Variants in TRMT1 observed in about 807,000 individuals in gnomAD.
The protein encoded by TRMT1 is tRNA methyltransferase 1.
TRMT1 carries 63 observed loss-of-function variants against 75.4 expected under a neutral mutation model. The observed-to-expected ratio is 0.84, with a 90% CI of 0.68 to 1.03. The LOEUF (loss-of-function observed/expected upper bound fraction) is 1.03, where lower values mean the gene tolerates loss of function less well. Ranked by LOEUF, TRMT1 falls within the 50% of genes least tolerant of loss-of-function variation. The probability of loss-of-function intolerance (pLI) is 0.00; values close to 1 mark genes in which losing one functional copy is unlikely to be tolerated. For synonymous variants in TRMT1, 382 were observed against 358.1 expected, an observed-to-expected ratio of 1.07 and a Z score of -0.75; for missense variants, 870 against 905.3, an observed-to-expected ratio of 0.96 and a Z score of 0.50.
At position 13,112,801 on chromosome 19, in the gene TRMT1, G is replaced by A. The variant is rs1374083642; in HGVS notation, c.774C>T (p.Thr258=). 1 of 1,614,140 alleles carries A rather than the reference G, an allele frequency of 6.2e-7. No homozygotes were observed. The highest frequency in any genetic ancestry group is 8.5e-7 in the Non-Finnish European group (1 of 1,180,004). ...CCGCCAACACCGCCATGTCTGTGCA[G>A]GTCACACACAGCAACCCTGCAGAGA... ...AVSEGGLLCV[T]CTDMAVLAGN... Residue 258 remains threonine (T), a synonymous_variant, in exon 7 of 17, where the codon ACC becomes ACT. Coordinates refer to ENST00000357720, the MANE Select transcript of TRMT1 (RefSeq NM_001136035.4).
intron 13 of TRMT1, 37 bp from the exon 14 acceptor site, chr19:13,107,687 C>G: frequency 6.3e-7 from 1 of 1,581,692 alleles, no homozygotes. Context: ...AATACTAGGC[C>G]CAAGGGACCT....
chr19:13,109,400 G>A lies in TRMT1; in HGVS notation c.1378C>T (p.Pro460Ser). The A allele has an allele frequency of 6.2e-7, 1 of 1,613,006 alleles. No homozygotes were observed. Among genetic ancestry groups the A allele is most frequent in the Non-Finnish European group, 8.5e-7 (1 of 1,180,008 alleles). ...TCTTACCGCAACTGCAGGAGGCTTG[G>A]TGTGTTGCAGTGGATGGTGCTGCTC... ...QLSSTIHCNTPSLLQLRSALL... is the reference protein window; with the variant it reads ...QLSSTIHCNTSSLLQLRSALL... The change falls in exon 12 of 17, where the codon CCA becomes TCA. Residue 460 changes from proline to serine, a missense_variant. Pro to Ser is a moderately conservative substitution (Grantham distance 74). Coordinates refer to ENST00000357720, the MANE Select transcript of TRMT1 (RefSeq NM_001136035.4).
At chr19:13,113,662 T>A (rs866629537) in intron 5 of TRMT1, among the ~76,000 whole-genome samples, 17 of 151,940 alleles carry the variant, frequency 1.1e-4, no homozygotes, top group Non-Finnish European at 1.8e-4. Flanking sequence ...CAGGCTGGAG[T>A]GCAGTGGTGG....
chr19:13,110,249 C>G lies in TRMT1; in HGVS notation c.928G>C (p.Val310Leu), dbSNP rs569347918. ...GCGCTGATGCTGAGCAGCGGCACCA[C>G]GAAGCGCTGGTAGCAGTTGGCGCGG... is the stretch of plus-strand genomic sequence containing the variant. The part of the protein sequence containing the change: ...DLRANCYQRF[V>L]VPLLSISADF... Residue 310 changes from valine to leucine, a missense_variant, in exon 8 of 17, where the codon GTG (valine) becomes CTG (leucine). Val to Leu is a conservative substitution (Grantham distance 32). Transcript: ENST00000357720. The G allele has an allele frequency of 8.7e-6, 14 of 1,613,144 alleles. No individual in the cohort carries two copies. In the African/African-American group the frequency reaches 1.2e-4, roughly 14 times the overall value.
chr19:13,109,468 T>C lies in TRMT1; in HGVS notation c.1312-2A>G. The C allele has an allele frequency of 6.2e-7, 1 of 1,613,820 alleles. No individual in the cohort carries two copies. The highest frequency in any genetic ancestry group is 8.5e-7 in the Non-Finnish European group (1 of 1,179,948). Reference sequence around the variant, plus strand: ...GTACAGAGGCACGTCCGGGAGCTCCTGCGATGGGGGACAGGATGGGCATGA... The same window carrying C: ...GTACAGAGGCACGTCCGGGAGCTCCCGCGATGGGGGACAGGATGGGCATGA... On this transcript the variant is annotated splice_acceptor_variant, in intron 11 of 16. Coordinates refer to ENST00000357720, the MANE Select transcript of TRMT1 (RefSeq NM_001136035.4). LOFTEE classifies it high-confidence loss of function.
Position 13,116,232 on chromosome 19 carries a change from T to A in TRMT1, c.168A>T (p.Thr56=), listed in dbSNP as rs1311173002. 6.2e-7 allele frequency: 1 copy of A among 1,614,200 alleles called. No individual in the cohort carries two copies. The highest frequency in any genetic ancestry group is 2.2e-5 in the East Asian group (1 of 44,886). Residue 56 remains threonine, a synonymous_variant, in exon 2 of 17, where the codon ACA becomes ACT. Coordinates refer to ENST00000357720, the MANE Select transcript of TRMT1 (RefSeq NM_001136035.4). ...EERPREVQET[T]VTEGAAKIAF... ...CGATTTTGGCAGCCCCCTCGGTGAC[T>A]GTCGTCTCCTGGACTTCACGTGGAC... is the stretch of plus-strand genomic sequence containing the variant.
chr19:13,106,016 C>T (rs916806784), intron 14 of TRMT1, among the ~76,000 whole-genome samples: 14 of 151,716 alleles, frequency 9.2e-5, no homozygotes, highest in African/African-American at 2.7e-4. Context: ...GAGCTGAAAT[C>T]GCACCACTGC....
chr19:13,110,152 G>C lies in TRMT1; in HGVS notation c.1019+6C>G, dbSNP rs1187684451. ...ATCCACCACCGCTCTCTGCCCCCGG[G>C]CTGACCTGGCTGAGGCCTTGACCTT... On this transcript the variant is annotated splice_donor_region_variant and intron_variant, in intron 8 of 16. Coordinates refer to ENST00000357720, the MANE Select transcript of TRMT1 (RefSeq NM_001136035.4). The C allele has an allele frequency of 6.2e-7, 1 of 1,612,018 alleles. No homozygotes were observed. Among genetic ancestry groups the C allele is most frequent in the South Asian group, 1.1e-5 (1 of 90,978 alleles).
At chr19:13,108,196 G>A (rs559033110) in intron 12 of TRMT1, among the ~76,000 whole-genome samples, 8 of 151,754 alleles carry the variant, frequency 5.3e-5, no homozygotes, top group African/African-American at 1.7e-4. Context: ...TCACCATGTT[G>A]GCCAGGATGG....
rs1180939216 is a variant in TRMT1 at position 13,107,657 on chromosome 19, G to A, written c.1507-7C>T. On this transcript the variant is annotated splice_region_variant and splice_polypyrimidine_tract_variant and intron_variant, in intron 13 of 16. Transcript: ENST00000357720. ...TCACCGGACATTCCTTCTCCTGGGG[G>A]CAGAGGTCAGAGGTTAGGGAATACT... 2 of 1,602,012 alleles carry A rather than the reference G, an allele frequency of 1.2e-6. No homozygotes were observed. Among genetic ancestry groups the A allele is most frequent in the Non-Finnish European group, 1.7e-6 (2 of 1,173,142 alleles).
intron 12 of TRMT1, 83 bp downstream of exon 12, chr19:13,109,298 G>A (rs1259683310): frequency 6.6e-7 from 1 of 1,522,094 alleles, no homozygotes; most frequent in African/African-American, 1.4e-5. Context: ...CCCCTCGCAA[G>A]TTCTATGCAT....
In TRMT1 at chr19:13,109,366, C is replaced by T; in HGVS notation, c.1397+15G>A. The T allele has an allele frequency of 6.2e-7, 1 of 1,612,160 alleles. No homozygotes were observed. The highest frequency in any genetic ancestry group is 8.5e-7 in the Non-Finnish European group (1 of 1,179,928). On this transcript the variant is annotated intron_variant, in intron 12 of 16. Transcript: ENST00000357720. The stretch of plus-strand genomic sequence containing the variant: ...TGGTCTGGGACAGGCTCCTCCCGAC[C>T]CCAGGGGCTCTTACCGCAACTGCAG...
chr19:13,110,351 C>T (rs1383702109), intron 7 of TRMT1, 45 bp from the exon 8 acceptor site: 6 of 1,542,644 alleles, frequency 3.9e-6, no homozygotes, highest in Non-Finnish European at 5.3e-6. Flanking sequence ...ACTATCCACC[C>T]ACCCCACCAG....
chr19:13,116,435 G>GT lies in TRMT1; in HGVS notation c.-32-5dup. 3.8e-6 allele frequency: 6 copies of GT among 1,580,528 alleles called. No individual in the cohort carries two copies. Among genetic ancestry groups the GT allele is most frequent in the Non-Finnish European group, 5.1e-6 (6 of 1,165,866 alleles). ...CTGGCGCCTCCGCCCGCCAAGCCTG[G>GT]TTCGGGGGGCGGGGGAGGGCACAGA... On this transcript the variant is annotated splice_polypyrimidine_tract_variant and splice_region_variant and intron_variant, in intron 1 of 16. Coordinates refer to ENST00000357720, the MANE Select transcript of TRMT1 (RefSeq NM_001136035.4).
chr19:13,109,266 C>G, intron 12 of TRMT1, 115 bp downstream of exon 12: 2 of 1,208,124 alleles, frequency 1.7e-6, no homozygotes, highest in Non-Finnish European at 2.3e-6. Flanking sequence ...AGGAATGAGA[C>G]AGTGCACCGG....
chr19:13,105,086 T>C lies in TRMT1; in HGVS notation c.1834-5A>G. ...GTCCCCGCGTTGACAGGTGCCCTGG[T>C]GGGAAGATGGTGGGTGTGAACCCCT... On this transcript the variant is annotated splice_polypyrimidine_tract_variant and splice_region_variant and intron_variant, in intron 16 of 16. Transcript: ENST00000357720. 6.3e-7 allele frequency: 1 copy of C among 1,578,962 alleles called. No individual in the cohort carries two copies. Among genetic ancestry groups the C allele is most frequent in the Non-Finnish European group, 8.6e-7 (1 of 1,161,348 alleles).
intron 14 of TRMT1, 131 bp downstream of exon 14, chr19:13,107,443 T>G (rs970068613): frequency 8.7e-7 from 1 of 1,146,334 alleles, no homozygotes; most frequent in East Asian, 2.6e-5. Flanking sequence ...CCAGCCCCAG[T>G]CAGCAGATTT....
At position 13,105,506 on chromosome 19, in the gene TRMT1, G is replaced by A. The variant is rs149836806; in HGVS notation, c.1684C>T (p.Arg562Trp). 22 of 1,613,896 alleles carry A rather than the reference G, an allele frequency of 1.4e-5. No individual in the cohort carries two copies. Among genetic ancestry groups the A allele is most frequent in the Admixed American group, 5.0e-5 (3 of 60,006 alleles). Residue 562 changes from arginine to tryptophan, a missense_variant, in exon 15 of 17, where the codon CGG (arginine) becomes TGG (tryptophan). Arg to Trp is a moderately radical substitution (Grantham distance 101, BLOSUM62 -3). Transcript: ENST00000357720. ...QANPEANWGP[R>W]PRARPGGKAA... Reference sequence around the variant, plus strand: ...ACTCACCCTGGCCGGGCACGAGGCCGGGGACCCCAGTTGGCCTCCGGGTTA... The same window carrying A: ...ACTCACCCTGGCCGGGCACGAGGCCAGGGACCCCAGTTGGCCTCCGGGTTA...
chr19:13,106,828 T>TA (rs1365423680), intron 14 of TRMT1, among the ~76,000 whole-genome samples: 1 of 148,828 alleles, frequency 6.7e-6, no homozygotes, highest in East Asian at 2.0e-4. Context: ...TTTATTTATT[T>TA]ATTTATTTAT....
Sources: allele counts gnomAD v4.1 joint callset (sites outside exome capture counted in the v4.1 genomes callset), GRCh38; gene constraint gnomAD v4.1.1; transcripts MANE v1.5; gene names NCBI Gene and HGNC (gene_info 2026-07-23, HGNC 2026-07-21).